The following DUSP18 variants were observed in gnomAD, a reference collection of about 807,000 sequenced individuals.
DUSP18 encodes dual specificity phosphatase 18.
A neutral mutation model predicts 6.3 loss-of-function variants in DUSP18; 4 were observed. The ratio of observed to expected loss-of-function variants is 0.63; its 90% CI spans 0.31 to 1.45. The LOEUF (loss-of-function observed/expected upper bound fraction) is 1.45. Among genes scored for constraint, DUSP18 ranks in the 40% most tolerant of loss-of-function variants. The pLI is 0.07. For synonymous variants in DUSP18, 96 were observed against 95.1 expected (o/e 1.01, Z -0.05); for missense variants, 235 against 247.7 (o/e 0.95, Z 0.34).
At chr22:30,664,781 G>A (rs1291836896) in intron 1 of DUSP18, among the ~76,000 whole-genome samples, 1 of 152,232 alleles carries the variant, frequency 6.6e-6, no homozygotes, top group East Asian at 1.9e-4. Context: ...AAGAAGGCCT[G>A]GGAAAGGGAG....
downstream of DUSP18, among the ~76,000 whole-genome samples, chr22:30,659,938 C>A (rs951696931): frequency 2.0e-5 from 3 of 152,150 alleles, no homozygotes; most frequent in Non-Finnish European, 4.4e-5. Flanking sequence ...GAGGGGCACA[C>A]GTAGAAAGCA....
At chr22:30,661,444 C>CG (rs555969142), downstream of DUSP18, 1 of 136,480 alleles carries the variant, frequency 7.3e-6, no homozygotes, top group African/African-American at 2.7e-5. Flanking sequence ...TTTTCTTTTT[C>CG]TTTTTTTTTT....
chr22:30,661,132 C>T (rs780530841), downstream of DUSP18, among the ~76,000 whole-genome samples: 1 of 152,074 alleles, frequency 6.6e-6, no homozygotes, highest in Non-Finnish European at 1.5e-5. Context: ...TGAGCCACCA[C>T]GCCCGGCCTC....
intron 2 of DUSP18, among the ~76,000 whole-genome samples, chr22:30,655,248 G>C (rs1320014110): frequency 6.6e-6 from 1 of 150,428 alleles, no homozygotes; most frequent in Non-Finnish European, 1.5e-5. Context: ...TAGAGCCCAG[G>C]AGTTCCAGAC....
downstream of DUSP18, among the ~76,000 whole-genome samples, chr22:30,658,679 T>C (rs1229506841): frequency 2.6e-5 from 4 of 151,972 alleles, no homozygotes; most frequent in African/African-American, 7.2e-5. Context: ...GCTTGTGAAA[T>C]AGATCCCATA....
chr22:30,654,729 C>G (rs2088299693), intron 2 of DUSP18: 2 of 296,696 alleles, frequency 6.7e-6, no homozygotes, highest in Admixed American at 8.4e-5. Context: ...CGACCACCAC[C>G]TTCCGGCCTG....
At position 30,663,677 on chromosome 22, in the gene DUSP18, G is replaced by C; in HGVS notation, c.327C>G (p.Ser109Arg). 1 of 1,614,234 alleles carries C rather than the reference G, an allele frequency of 6.2e-7. No homozygotes were observed. Among genetic ancestry groups the C allele is most frequent in the South Asian group, 1.1e-5 (1 of 91,086 alleles). Residue 109 changes from serine to arginine, a missense_variant, in exon 2 of 2, where the codon AGC becomes AGG. Transcript: ENST00000334679. ...AGGCGAGGCACAGGGCAGCTGAGCG[G>C]CTCACACCAGCAGCACAGTGCAGCA... is the stretch of plus-strand genomic sequence containing the variant. ...RTLLHCAAGV[S>R]RSAALCLAYL... is the part of the protein sequence containing the mutation.
At chr22:30,666,232 T>C (rs1569074908) in intron 1 of DUSP18, among the ~76,000 whole-genome samples, 2 of 152,216 alleles carry the variant, frequency 1.3e-5, no homozygotes, top group Non-Finnish European at 2.9e-5. Context: ...TAGAGGAATG[T>C]GCTGTTCATT....
downstream of DUSP18, among the ~76,000 whole-genome samples, chr22:30,660,932 C>T (rs1292337866): frequency 1.3e-5 from 2 of 151,832 alleles, no homozygotes; most frequent in African/African-American, 2.4e-5. Context: ...CTCTGCCTCC[C>T]GGGTTCAAGT....
In DUSP18 at chr22:30,663,344, T is replaced by A; in HGVS notation, c.*93A>T. 7.7e-7 allele frequency: 1 copy of A among 1,298,230 alleles called. No individual in the cohort carries two copies. The highest frequency in any genetic ancestry group is 2.1e-4 in the Middle Eastern group (1 of 4,866). The allele number at this position is 1,298,230 out of a possible 1,614,324, so 80.4% of individuals were successfully genotyped here. A position where few individuals can be genotyped will look rare whatever the true frequency, so the allele number is the denominator to read the frequency against. On this transcript the variant is annotated 3_prime_UTR_variant, in exon 2 of 2. Coordinates refer to ENST00000334679, the MANE Select transcript of DUSP18 (RefSeq NM_152511.5). ...AAGGCATCATCTGTTTTTTTCTGTA[T>A]CAACAAAAGTAGAATGTTCAAGTTT...
intron 1 of DUSP18, chr22:30,666,977 G>A (rs1424294924): frequency 1.3e-5 from 2 of 152,298 alleles, no homozygotes; most frequent in South Asian, 2.1e-4. Flanking sequence ...CTTCCAGGTC[G>A]GAGCCTAGGG....
downstream of DUSP18, among the ~76,000 whole-genome samples, chr22:30,659,637 G>A (rs1455107921): frequency 7.2e-5 from 11 of 152,154 alleles, no homozygotes; most frequent in Admixed American, 6.5e-4. Flanking sequence ...CTCCCAAAGT[G>A]CAGGGATTAC....
At chr22:30,655,928 CTTAGGACTTT>C (rs1479413174) in intron 2 of DUSP18, among the ~76,000 whole-genome samples, 1 of 148,086 alleles carries the variant, frequency 6.8e-6, no homozygotes, top group Non-Finnish European at 1.5e-5. Flanking sequence ...GTAATGGATT[CTTAGGACTTT>C]TTTTTTTCTT....
At chr22:30,658,385 A>T (rs1037668448), downstream of DUSP18, among the ~76,000 whole-genome samples, 21 of 151,746 alleles carry the variant, frequency 1.4e-4, no homozygotes, top group African/African-American at 5.1e-4. Flanking sequence ...GAAAAAAAAA[A>T]ATTTTTTTTT....
downstream of DUSP18, among the ~76,000 whole-genome samples, chr22:30,660,841 ATT>A (rs201034099): frequency 4.2e-5 from 6 of 144,224 alleles, no homozygotes; most frequent in Admixed American, 6.9e-5. Context: ...GCATAGAACA[ATT>A]TTTTTTTTTT....
intron 2 of DUSP18, among the ~76,000 whole-genome samples, chr22:30,653,559 G>T (rs1004344676): frequency 1.3e-5 from 2 of 151,942 alleles, no homozygotes; most frequent in African/African-American, 4.8e-5. Context: ...TTTTAGTAGA[G>T]ACTGGGTTTC....
rs781613794 is a variant in DUSP18 at position 30,663,617 on chromosome 22, G to A, written c.387C>T (p.Asp129=). The stretch of plus-strand genomic sequence containing the variant: ...GGCATGACTTGGTCCACGTGTGGGC[G>A]TCCAGCAGGGACATGGCGTGGTACT... The part of the protein sequence containing the change: ...LMKYHAMSLL[D]AHTWTKSCRP... The change falls in exon 2 of 2, where the codon GAC becomes GAT. Residue 129 remains aspartate, a synonymous_variant. Transcript: ENST00000334679. 2.8e-5 allele frequency: 46 copies of A among 1,614,236 alleles called. No homozygotes were observed. The highest frequency in any genetic ancestry group is 1.3e-4 in the African/African-American group (10 of 75,062).
At chr22:30,661,171 C>T (rs1400268558), downstream of DUSP18, among the ~76,000 whole-genome samples, 1 of 151,758 alleles carries the variant, frequency 6.6e-6, no homozygotes, top group Admixed American at 6.6e-5. Flanking sequence ...TAATAATGAG[C>T]AATTGGAAAA....
chr22:30,655,292 C>A (rs373133732), intron 2 of DUSP18, among the ~76,000 whole-genome samples: 6 of 134,780 alleles, frequency 4.5e-5, no homozygotes, highest in Non-Finnish European at 6.3e-5. Context: ...CCTGTCTCTA[C>A]GGAAAAAAAA....
Sources: gnomAD v4.1 joint callset for allele counts (sites outside exome capture counted in the v4.1 genomes callset) on GRCh38, gnomAD v4.1.1 for gene constraint, MANE v1.5 for transcripts, NCBI Gene and HGNC (gene_info 2026-07-23, HGNC 2026-07-21) for gene names.